Variants in DGKG observed in about 807,000 individuals in gnomAD.
DGKG encodes the protein DAG kinase gamma.
DGKG carries 78 observed loss-of-function variants against 105.3 expected under a neutral mutation model. The observed-to-expected ratio is 0.74, with a 90% CI of 0.62 to 0.89. The LOEUF (loss-of-function observed/expected upper bound fraction) is 0.89. Ranked by LOEUF, DGKG falls within the 40% of genes least tolerant of loss-of-function variation. The pLI, the probability that DGKG is intolerant of heterozygous loss-of-function variation, is 0.00. For synonymous variants in DGKG, 346 were observed against 367.1 expected (o/e 0.94, Z 0.66); for missense variants, 958 against 1,020.1 (o/e 0.94, Z 0.83).
intron 20 of DGKG, among the ~76,000 whole-genome samples, chr3:186,212,984 G>T (rs1719106712): frequency 6.6e-6 from 1 of 152,164 alleles, no homozygotes; most frequent in Non-Finnish European, 1.5e-5. Flanking sequence ...ATGTTCCTTA[G>T]GTTGTAGCAG....
At chr3:186,165,771 G>C (rs896886549) in intron 22 of DGKG, among the ~76,000 whole-genome samples, 5 of 152,200 alleles carry the variant, frequency 3.3e-5, no homozygotes, top group African/African-American at 1.2e-4. Context: ...CTTGGATGGT[G>C]CTTCCCCAGT....
At chr3:186,297,345 G>T in intron 5 of DGKG, 76 bp downstream of exon 5, 1 of 1,136,552 alleles carries the variant, frequency 8.8e-7, no homozygotes, top group Non-Finnish European at 1.3e-6. Flanking sequence ...AGCACTGTTG[G>T]TTAGGTTTCC....
At chr3:186,305,856 G>T (rs1724211615) in intron 3 of DGKG, among the ~76,000 whole-genome samples, 1 of 152,180 alleles carries the variant, frequency 6.6e-6, no homozygotes, top group African/African-American at 2.4e-5. Flanking sequence ...GGGTAGAGTT[G>T]TCATTTACTG....
rs571919563 is a variant in DGKG, at chr3:186,332,996, A to C, written c.-248-12289T>G. 2.0e-5 allele frequency among the ~76,000 whole-genome samples: 3 copies of C among 152,300 alleles called. No individual in the cohort carries two copies. The South Asian group carries it at 6.2e-4, about 32-fold the overall frequency. ...ACTCTATGTAGAATCACCACCAGTAAGAAGGGCCTCACCAGATGCAGTCCC... is the reference window on the plus strand; with the variant it reads ...ACTCTATGTAGAATCACCACCAGTACGAAGGGCCTCACCAGATGCAGTCCC... On this transcript the variant is annotated intron_variant, in intron 1 of 24. Coordinates refer to ENST00000265022, the MANE Select transcript of DGKG (RefSeq NM_001346.3).
chr3:186,346,474 A>G (rs1410191912), intron 1 of DGKG, among the ~76,000 whole-genome samples: 10 of 151,982 alleles, frequency 6.6e-5, no homozygotes, highest in Non-Finnish European at 1.2e-4. Context: ...TTTAATTCCT[A>G]TATGTTTTAC....
At chr3:186,251,069 G>A (rs1721201923) in intron 19 of DGKG, among the ~76,000 whole-genome samples, 2 of 152,136 alleles carry the variant, frequency 1.3e-5, no homozygotes, top group South Asian at 4.1e-4. Flanking sequence ...GGAACAGAGT[G>A]CTGTCCTTGC....
At chr3:186,318,853 A>G (rs1191546156) in intron 2 of DGKG, among the ~76,000 whole-genome samples, 1 of 152,214 alleles carries the variant, frequency 6.6e-6, no homozygotes, top group Non-Finnish European at 1.5e-5. Flanking sequence ...CCAAATAGCA[A>G]ACAACCCCCA....
At chr3:186,303,219 C>A (rs1348815369) in intron 3 of DGKG, among the ~76,000 whole-genome samples, 1 of 152,172 alleles carries the variant, frequency 6.6e-6, no homozygotes, top group Non-Finnish European at 1.5e-5. Context: ...AGCCCAGGAA[C>A]AGAGTAGCTG....
At chr3:186,259,102 G>A (rs531586140) in intron 16 of DGKG, among the ~76,000 whole-genome samples, 1,233 of 103,420 alleles carry the variant, frequency 0.012, 9 homozygotes, top group Middle Eastern at 0.07. Context: ...TCTGCTCTCC[G>A]ACGGGACTCT....
At chr3:186,279,811 G>A in intron 9 of DGKG, 40 bp downstream of exon 9, 1 of 1,605,118 alleles carries the variant, frequency 6.2e-7, no homozygotes, top group Non-Finnish European at 8.5e-7. Context: ...CAATGTTCCT[G>A]AATGGCAAGA....
At chr3:186,225,426 C>T (rs975996809) in intron 20 of DGKG, among the ~76,000 whole-genome samples, 18 of 152,314 alleles carry the variant, frequency 1.2e-4, no homozygotes, top group African/African-American at 3.6e-4. Context: ...AATTGGCCCC[C>T]ATCACAACCC....
intron 13 of DGKG, 58 bp downstream of exon 13, chr3:186,267,627 T>C: frequency 7.3e-7 from 1 of 1,368,024 alleles, no homozygotes; most frequent in East Asian, 2.3e-5. Flanking sequence ...GAAAGCTGCC[T>C]ACATCTGAAA....
In DGKG at chr3:186,147,435, T is replaced by C. The variant is rs910516201; in HGVS notation, c.*2655A>G. 12 of 984,878 alleles carry C rather than the reference T, an allele frequency of 1.2e-5. No individual in the cohort carries two copies. Among genetic ancestry groups the C allele is most frequent in the East Asian group, 1.1e-4 (1 of 8,810 alleles). The allele number at this position is 984,878 out of a possible 1,614,324, so 61.0% of individuals were successfully genotyped here. A position where few individuals can be genotyped will look rare whatever the true frequency, so the allele number is the denominator to read the frequency against. ...TCAGAGGTTGCTATGAGGGTCACTA[T>C]GATGAGGGACTCCACCACAAGAAAC... On this transcript the variant is annotated 3_prime_UTR_variant, in exon 25 of 25. Coordinates refer to ENST00000265022, the MANE Select transcript of DGKG (RefSeq NM_001346.3).
rs1405377352 is a variant in DGKG at position 186,148,725 on chromosome 3, C to A, written c.*1365G>T. The A allele has an allele frequency of 9.1e-6, 9 of 984,840 alleles. No individual in the cohort carries two copies. Among genetic ancestry groups the A allele is most frequent in the Non-Finnish European group, 1.1e-5 (9 of 829,498 alleles). The allele number at this position is 984,840 out of a possible 1,614,324, so 61.0% of individuals were successfully genotyped here. A position where few individuals can be genotyped will look rare whatever the true frequency, so the allele number is the denominator to read the frequency against. On this transcript the variant is annotated 3_prime_UTR_variant, in exon 25 of 25. Coordinates refer to ENST00000265022, the MANE Select transcript of DGKG (RefSeq NM_001346.3). ...AAATGGGAGAGTAAATCCAGCCCAG[C>A]AGGTCTTTCATGCTTGTTTTGAGGA...
intron 19 of DGKG, 50 bp from the exon 20 acceptor site, chr3:186,242,618 G>T: frequency 6.5e-7 from 1 of 1,529,276 alleles, no homozygotes; most frequent in South Asian, 1.2e-5. Context: ...TCATGACAGT[G>T]CAGTGCGGAG....
chr3:186,352,268 A>G (rs527668535), intron 1 of DGKG, among the ~76,000 whole-genome samples: 6 of 152,310 alleles, frequency 3.9e-5, no homozygotes, highest in Non-Finnish European at 8.8e-5. Context: ...ATAGACGGCT[A>G]CTGGGACAGC....
chr3:186,310,599 C>G (rs1724493228), intron 2 of DGKG, among the ~76,000 whole-genome samples: 1 of 152,208 alleles, frequency 6.6e-6, no homozygotes, highest in Non-Finnish European at 1.5e-5. Context: ...TCTGTTTCAT[C>G]TTAAGACAGA....
intron 2 of DGKG, among the ~76,000 whole-genome samples, chr3:186,313,254 T>C (rs1206878005): frequency 1.3e-5 from 2 of 152,186 alleles, no homozygotes; most frequent in African/African-American, 4.8e-5. Context: ...GATTTGAACA[T>C]GAGCCGAGGC....
At chr3:186,200,929 C>T (rs995257251) in intron 21 of DGKG, among the ~76,000 whole-genome samples, 1 of 152,094 alleles carries the variant, frequency 6.6e-6, no homozygotes, top group Non-Finnish European at 1.5e-5. Context: ...TTGAGAGGGG[C>T]AGCTGGAAGG....
Sources: allele counts gnomAD v4.1 joint callset (sites outside exome capture counted in the v4.1 genomes callset), GRCh38; gene constraint gnomAD v4.1.1; transcripts MANE v1.5; gene names NCBI Gene and HGNC (gene_info 2026-07-23, HGNC 2026-07-21).